MYCBP2: variants seen among roughly 807,000 people sequenced by gnomAD.
The protein encoded by MYCBP2 is E3 ubiquitin-protein ligase MYCBP2.
In MYCBP2, 120 loss-of-function variants were observed where a neutral mutation model predicts 525.3. That is an observed-to-expected ratio of 0.23 (90% CI 0.20 to 0.27). The LOEUF is 0.27. MYCBP2 is among the 10% of genes least tolerant of loss of function. The pLI, the probability that MYCBP2 is intolerant of heterozygous loss-of-function variation, is 1.00. For synonymous variants in MYCBP2, 1,894 were observed against 1,955.8 expected, an observed-to-expected ratio of 0.97 and a Z score of 0.83; for missense variants, 4,149 against 5,657.1, an observed-to-expected ratio of 0.73 and a Z score of 8.55.
intron 17 of MYCBP2, among the ~76,000 whole-genome samples, chr13:77,235,740 GA>G (rs1048854000): frequency 6.6e-6 from 1 of 152,004 alleles, no homozygotes; most frequent in African/African-American, 2.4e-5. Context: ...AACTAAACAA[GA>G]AATTATGACA....
chr13:77,207,558 T>C (rs1427550268), intron 23 of MYCBP2, among the ~76,000 whole-genome samples: 3 of 152,196 alleles, frequency 2.0e-5, no homozygotes. Context: ...TAAACACCAC[T>C]GACTGCAGAC....
At chr13:77,164,623 A>G in intron 42 of MYCBP2, 82 bp from the exon 43 acceptor site, 1 of 862,986 alleles carries the variant, frequency 1.2e-6, no homozygotes, top group South Asian at 1.4e-5. Context: ...TTTGAATTCA[A>G]GCATTACTTT....
rs377013710 is a variant in MYCBP2, at chr13:77,119,825, A to G, written c.8140+1548T>C. Among the ~76,000 whole-genome samples, 4 of 152,268 alleles carry G rather than the reference A, an allele frequency of 2.6e-5. No homozygotes were observed. In the East Asian group the frequency reaches 5.8e-4, roughly 22 times the overall value. The stretch of plus-strand genomic sequence containing the variant: ...CTACATCCTTAAACTCCTGGCCTCA[A>G]GTGATCCTGTTGCCTCAGCTTCCCA... On this transcript the variant is annotated intron_variant, in intron 55 of 82. Transcript: ENST00000544440.
intron 23 of MYCBP2, among the ~76,000 whole-genome samples, chr13:77,210,759 T>C (rs2154280924): frequency 6.6e-6 from 1 of 152,300 alleles, no homozygotes. Flanking sequence ...ATAAACAGGA[T>C]TGATGACAGA....
chr13:77,161,865 T>C (rs2057969270), intron 44 of MYCBP2, 41 bp downstream of exon 44: 13 of 1,498,078 alleles, frequency 8.7e-6, no homozygotes, highest in Non-Finnish European at 1.2e-5. Context: ...ACTTTTTAAA[T>C]TAATGTACAA....
At chr13:77,276,262 T>G (rs904498373) in intron 4 of MYCBP2, among the ~76,000 whole-genome samples, 1 of 152,170 alleles carries the variant, frequency 6.6e-6, no homozygotes, top group Non-Finnish European at 1.5e-5. Context: ...AAGCTTGGTG[T>G]ATACTAATCA....
intron 18 of MYCBP2, among the ~76,000 whole-genome samples, chr13:77,231,967 T>TAA (rs1034018280): frequency 3.6e-4 from 55 of 152,344 alleles, no homozygotes; most frequent in African/African-American, 1.3e-3. Flanking sequence ...GAGCACTCAG[T>TAA]AAATAAAGTA....
At chr13:77,266,747 A>G (rs1176172206) in intron 8 of MYCBP2, among the ~76,000 whole-genome samples, 4 of 16,634 alleles carry the variant, frequency 2.4e-4, no homozygotes, top group South Asian at 2.4e-3. Context: ...ACTTGTAATG[A>G]AAAAAAAAAA....
In MYCBP2 at chr13:77,168,548, C is replaced by A. The variant is rs779335438; in HGVS notation, c.5994G>T (p.Ser1998=). The change falls in exon 40 of 83, where the codon TCG becomes TCT. Residue 1998 remains serine (S), a synonymous_variant. Coordinates refer to ENST00000544440, the MANE Select transcript of MYCBP2 (RefSeq NM_015057.5). ...YAPPAFNPNQ[S]TDSTTGNQPE... is the part of the protein sequence containing the mutation. ...GCTGGTTTCCTGTGGTGCTATCTGT[C>A]GACTGATTAGGGTTGAAGGCAGGCG... 3 of 1,614,032 alleles carry A rather than the reference C, an allele frequency of 1.9e-6. No individual in the cohort carries two copies. Among genetic ancestry groups the A allele is most frequent in the South Asian group, 1.1e-5 (1 of 91,060 alleles).
Position 77,050,263 on chromosome 13 carries a change from T to C in MYCBP2, c.13921+734A>G, listed in dbSNP as rs146740809. Among the ~76,000 whole-genome samples, 1,446 of 152,280 alleles carry C rather than the reference T, an allele frequency of 9.5e-3. 23 individuals carry two copies. Among genetic ancestry groups the C allele is most frequent in the African/African-American group, 0.033 (1,351 of 41,548 alleles). On this transcript the variant is annotated intron_variant, in intron 82 of 82. Transcript: ENST00000544440. Reference sequence around the variant, plus strand: ...CACTTGCACTCTGATAGGCAGCAGATGGCAGTGTGTGTTTTCTAGCTTTGA... The same window carrying C: ...CACTTGCACTCTGATAGGCAGCAGACGGCAGTGTGTGTTTTCTAGCTTTGA...
chr13:77,289,569 G>T (rs578226037), intron 2 of MYCBP2, among the ~76,000 whole-genome samples: 2 of 152,062 alleles, frequency 1.3e-5, no homozygotes, highest in Admixed American at 1.3e-4. Flanking sequence ...TTGATAAAGG[G>T]TATCTACAAA....
intron 38 of MYCBP2, among the ~76,000 whole-genome samples, chr13:77,170,890 T>C (rs1180725379): frequency 1.3e-5 from 2 of 152,186 alleles, no homozygotes; most frequent in Non-Finnish European, 2.9e-5. Flanking sequence ...CATGTTTTCA[T>C]AATGATAACT....
chr13:77,216,820 C>A (rs2064883313), intron 21 of MYCBP2, among the ~76,000 whole-genome samples: 1 of 151,418 alleles, frequency 6.6e-6, no homozygotes, highest in African/African-American at 2.4e-5. Context: ...AAAGAAATGC[C>A]AAAAAATAAT....
chr13:77,062,721 A>G (rs781132894), intron 73 of MYCBP2, 24 bp from the exon 74 acceptor site: 1 of 1,587,900 alleles, frequency 6.3e-7, no homozygotes, highest in East Asian at 2.2e-5. Flanking sequence ...AGGCTGTTAC[A>G]CCACTGAATT....
intron 2 of MYCBP2, among the ~76,000 whole-genome samples, chr13:77,294,865 CA>C (rs2078006046): frequency 2.0e-5 from 3 of 152,208 alleles, no homozygotes; most frequent in Admixed American, 1.3e-4. Context: ...GTGGCCTATT[CA>C]CCAGGGTGCT....
chr13:77,297,466 G>T, intron 1 of MYCBP2, among the ~76,000 whole-genome samples: 1 of 152,114 alleles, frequency 6.6e-6, no homozygotes, highest in East Asian at 1.9e-4. Flanking sequence ...TGAAGTCGGG[G>T]GGAAGAGGGA....
At chr13:77,161,791 T>C in intron 44 of MYCBP2, 115 bp downstream of exon 44, 1 of 736,718 alleles carries the variant, frequency 1.4e-6, no homozygotes, top group Non-Finnish European at 2.3e-6. Flanking sequence ...TGCCAATGAA[T>C]AAAGTGAAGT....
chr13:77,260,191 T>C (rs1172375326), intron 13 of MYCBP2, among the ~76,000 whole-genome samples: 1 of 152,204 alleles, frequency 6.6e-6, no homozygotes, highest in African/African-American at 2.4e-5. Flanking sequence ...AAGTCACAGC[T>C]ACAGCGAAGC....
intron 11 of MYCBP2, among the ~76,000 whole-genome samples, chr13:77,261,840 TGTGAA>T (rs1471100311): frequency 6.6e-6 from 1 of 152,076 alleles, no homozygotes; most frequent in Admixed American, 6.6e-5. Context: ...AGCAATTATT[TGTGAA>T]GTGTAACAAA....
Sources: allele counts gnomAD v4.1 joint callset (sites outside exome capture counted in the v4.1 genomes callset), GRCh38; gene constraint gnomAD v4.1.1; transcripts MANE v1.5; gene names NCBI Gene and HGNC (gene_info 2026-07-23, HGNC 2026-07-21).